The following CNTN4 variants were observed in gnomAD, a reference collection of about 807,000 sequenced individuals.
CNTN4 encodes the protein contactin 4, also known as contactin-4.
CNTN4 carries 77 observed loss-of-function variants against 122.5 expected under a neutral mutation model. The observed-to-expected ratio is 0.63, with a 90% CI of 0.52 to 0.76. The LOEUF (loss-of-function observed/expected upper bound fraction) is 0.76, where lower values mean the gene tolerates loss of function less well. Ranked by LOEUF, CNTN4 falls within the 30% of genes least tolerant of loss-of-function variation. CNTN4 has a pLI of 0.00. For missense variants in CNTN4, 1,256 were observed against 1,259.1 expected (o/e 1.00, Z 0.04); for synonymous variants, 512 against 447.0 (o/e 1.15, Z -1.83).
At chr3:2,742,052 A>G (rs775316586) in intron 5 of CNTN4, among the ~76,000 whole-genome samples, 14 of 152,184 alleles carry the variant, frequency 9.2e-5, no homozygotes, top group Non-Finnish European at 2.1e-4. Context: ...GTTGAAAGAA[A>G]GAGCAAGACA....
chr3:2,471,475 A>AT (rs907973471), intron 3 of CNTN4, among the ~76,000 whole-genome samples: 4 of 152,146 alleles, frequency 2.6e-5, no homozygotes, highest in South Asian at 4.2e-4. Context: ...TAATGGAATA[A>AT]TTTTTTTTCC....
intron 4 of CNTN4, among the ~76,000 whole-genome samples, chr3:2,682,210 G>A (rs889023751): frequency 2.0e-5 from 3 of 152,204 alleles, no homozygotes; most frequent in African/African-American, 7.2e-5. Context: ...CCTTGACCAT[G>A]AAACATTTAT....
intron 3 of CNTN4, among the ~76,000 whole-genome samples, chr3:2,488,561 G>C (rs2076228810): frequency 6.6e-6 from 1 of 152,158 alleles, no homozygotes; most frequent in South Asian, 2.1e-4. Context: ...TGAACTGGAG[G>C]AACTGGGTAA....
chr3:2,575,947 GAGTAAGTCTTCCA>G (rs1378630226), intron 4 of CNTN4, among the ~76,000 whole-genome samples: 2 of 150,284 alleles, frequency 1.3e-5, no homozygotes, highest in Non-Finnish European at 3.0e-5. Flanking sequence ...TCAGCCTCCC[GAGTAAGTCTTCCA>G]AGTAGCTGGG....
chr3:2,101,503 GA>G (rs2031954590), intron 2 of CNTN4, among the ~76,000 whole-genome samples: 1 of 152,046 alleles, frequency 6.6e-6, no homozygotes, highest in Non-Finnish European at 1.5e-5. Flanking sequence ...TATTTTAGTT[GA>G]ATAAGTCTAT....
At chr3:2,860,926 G>A (rs2093664718) in intron 7 of CNTN4, among the ~76,000 whole-genome samples, 1 of 152,030 alleles carries the variant, frequency 6.6e-6, no homozygotes, top group African/African-American at 2.4e-5. Context: ...GCAGTTCCTG[G>A]TATAATTCTT....
intron 13 of CNTN4, among the ~76,000 whole-genome samples, chr3:2,974,667 GT>G (rs1187991492): frequency 2.6e-5 from 4 of 152,218 alleles, no homozygotes; most frequent in African/African-American, 7.2e-5. Context: ...GTGATGCTGA[GT>G]TTCTGTGCTT....
intron 2 of CNTN4, among the ~76,000 whole-genome samples, chr3:2,136,813 T>C (rs1248701965): frequency 6.6e-6 from 1 of 152,208 alleles, no homozygotes; most frequent in East Asian, 1.9e-4. Flanking sequence ...TTTGTATTAG[T>C]GTACTGTGGA....
intron 2 of CNTN4, among the ~76,000 whole-genome samples, chr3:2,328,566 GTTAGAAA>G (rs2043574092): frequency 6.6e-6 from 1 of 152,006 alleles, no homozygotes. Flanking sequence ...ATTGATAGGA[GTTAGAAA>G]TATTTTCTTC....
At chr3:2,629,606 A>G in intron 4 of CNTN4, 1 of 445,626 alleles carries the variant, frequency 2.2e-6, no homozygotes, top group Non-Finnish European at 4.5e-6. Flanking sequence ...AGAAAATAGA[A>G]AAGCCTAAGT....
chr3:2,182,608 T>C (rs1006533483), intron 2 of CNTN4, among the ~76,000 whole-genome samples: 1 of 152,172 alleles, frequency 6.6e-6, no homozygotes, highest in African/African-American at 2.4e-5. Context: ...TTATTGTATA[T>C]GTTATGAATT....
intron 2 of CNTN4, among the ~76,000 whole-genome samples, chr3:2,105,957 G>A (rs2032404126): frequency 6.6e-6 from 1 of 152,230 alleles, no homozygotes; most frequent in Admixed American, 6.5e-5. Context: ...TTCCAAATGG[G>A]AGAAATTGGC....
Position 2,844,088 on chromosome 3 carries a change from G to A in CNTN4, c.455-22664G>A, listed in dbSNP as rs561255068. 5.3e-5 allele frequency among the ~76,000 whole-genome samples: 8 copies of A among 152,274 alleles called. No homozygotes were observed. The South Asian group carries it at 1.7e-3, about 32-fold the overall frequency. On this transcript the variant is annotated intron_variant, in intron 7 of 24. Coordinates refer to ENST00000418658, the MANE Select transcript of CNTN4 (RefSeq NM_175607.3). ...CATGAAACACGTCCCTCCTAGCAAT[G>A]GGGCCTTTGTGAGTGTTGCTCCCAT...
intron 6 of CNTN4, among the ~76,000 whole-genome samples, chr3:2,755,707 G>T (rs753134792): frequency 3.1e-4 from 47 of 152,274 alleles, no homozygotes; most frequent in Admixed American, 1.8e-3. Flanking sequence ...AAAGCAGTTT[G>T]TGACATAAGA....
intron 13 of CNTN4, among the ~76,000 whole-genome samples, chr3:2,946,576 T>C (rs1375309949): frequency 6.6e-6 from 1 of 152,206 alleles, no homozygotes; most frequent in Non-Finnish European, 1.5e-5. Flanking sequence ...GTATATTAGC[T>C]GGCTCCACGT....
chr3:2,127,934 C>T (rs2034259194), intron 2 of CNTN4, among the ~76,000 whole-genome samples: 1 of 152,156 alleles, frequency 6.6e-6, no homozygotes, highest in South Asian at 2.1e-4. Context: ...TTTTGTTCTT[C>T]CTCTGAATGC....
intron 2 of CNTN4, among the ~76,000 whole-genome samples, chr3:2,313,623 CCT>C (rs2042991032): frequency 6.6e-6 from 1 of 152,046 alleles, no homozygotes; most frequent in East Asian, 1.9e-4. Flanking sequence ...TTCTGAAACC[CCT>C]GTTAGCCATT....
At chr3:2,897,490 A>C (rs1019055007) in intron 10 of CNTN4, among the ~76,000 whole-genome samples, 1 of 152,084 alleles carries the variant, frequency 6.6e-6, no homozygotes, top group African/African-American at 2.4e-5. Context: ...GTATTGAACT[A>C]ACCTGTTCAG....
intron 2 of CNTN4, among the ~76,000 whole-genome samples, chr3:2,103,681 C>T (rs538238753): frequency 1.3e-5 from 2 of 152,146 alleles, no homozygotes; most frequent in African/African-American, 4.8e-5. Flanking sequence ...AAAGGAAACC[C>T]TCTTCTTTTC....
Sources: allele counts gnomAD v4.1 joint callset (sites outside exome capture counted in the v4.1 genomes callset), GRCh38; gene constraint gnomAD v4.1.1; transcripts MANE v1.5; gene names NCBI Gene and HGNC (gene_info 2026-07-23, HGNC 2026-07-21).